The following HDAC9 variants were observed in gnomAD, a reference collection of about 807,000 sequenced individuals.
HDAC9 encodes the protein MEF-2 interacting transcription repressor (MITR) protein.
A neutral mutation model predicts 139.4 loss-of-function variants in HDAC9; 41 were observed. The ratio of observed to expected loss-of-function variants is 0.29; its 90% CI spans 0.23 to 0.38. HDAC9 has a LOEUF of 0.38. Ranked by LOEUF, HDAC9 falls within the 10% of genes least tolerant of loss-of-function variation. The probability of loss-of-function intolerance (pLI) is 1.00; values close to 1 mark genes in which losing one functional copy is unlikely to be tolerated. For missense variants in HDAC9, 1,147 were observed against 1,297.0 expected, an observed-to-expected ratio of 0.88 and a Z score of 1.78; for synonymous variants, 517 against 476.2, an observed-to-expected ratio of 1.09 and a Z score of -1.12.
At chr7:18,496,217 A>G in intron 1 of HDAC9, 45 bp from the exon 2 acceptor site, 2 of 1,593,606 alleles carry the variant, frequency 1.3e-6, no homozygotes, top group South Asian at 2.2e-5. Context: ...AGTGACTGGA[A>G]TATGCTGCAG....
intron 2 of HDAC9, among the ~76,000 whole-genome samples, chr7:18,221,713 T>A (rs1278556949): frequency 6.6e-6 from 1 of 152,130 alleles, no homozygotes. Flanking sequence ...AACAGCAATG[T>A]TAATTTTTTT....
At chr7:18,641,945 C>T (rs574894584) in intron 8 of HDAC9, among the ~76,000 whole-genome samples, 1 of 152,148 alleles carries the variant, frequency 6.6e-6, no homozygotes, top group South Asian at 2.1e-4. Context: ...GATCAAAAAG[C>T]ATAGTTGAGG....
chr7:18,116,102 G>A (rs1486671103), intron 1 of HDAC9, among the ~76,000 whole-genome samples: 1 of 152,156 alleles, frequency 6.6e-6, no homozygotes, highest in Admixed American at 6.5e-5. Context: ...TAATTTTCCT[G>A]TGTTAGATCA....
chr7:18,886,780 G>T (rs1401864007), intron 22 of HDAC9, among the ~76,000 whole-genome samples: 1 of 152,124 alleles, frequency 6.6e-6, no homozygotes, highest in Non-Finnish European at 1.5e-5. Flanking sequence ...AAAAAATATT[G>T]CCAGGGACAA....
In HDAC9 at chr7:18,924,528, T is replaced by G. The variant is rs78153709; in HGVS notation, c.2804-11281T>G. Among the ~76,000 whole-genome samples, 1,483 of 152,218 alleles carry G rather than the reference T, an allele frequency of 9.7e-3. 31 individuals carry two copies. Among genetic ancestry groups the G allele is most frequent in the African/African-American group, 0.034 (1,407 of 41,552 alleles). ...ATTTTGGTCTTGAAATTAAAAACCC[T>G]GGTCATTTGGGAAATGCAATTCCAA... On this transcript the variant is annotated intron_variant, in intron 22 of 25. Transcript: ENST00000686413.
rs924283607 is a variant in HDAC9, at chr7:18,835,605, G to A, written c.2586+19G>A. On this transcript the variant is annotated intron_variant, in intron 20 of 25. Transcript: ENST00000686413. ...AAATGAGGTTCGGTTTATTTCTTTA[G>A]AGCCCCACTTTTATTTGTATCTTTC... 1.2e-6 allele frequency: 2 copies of A among 1,613,524 alleles called. No homozygotes were observed. The highest frequency in any genetic ancestry group is 1.7e-6 in the Non-Finnish European group (2 of 1,179,506).
At chr7:18,743,678 T>A (rs1002385907) in intron 13 of HDAC9, among the ~76,000 whole-genome samples, 4 of 150,388 alleles carry the variant, frequency 2.7e-5, no homozygotes, top group Admixed American at 2.0e-4. Flanking sequence ...TGAGAACCTG[T>A]CTCTAAAAAC....
chr7:18,590,187 TTAG>T (rs1830547369), intron 3 of HDAC9, 146 bp from the exon 4 acceptor site: 3 of 848,032 alleles, frequency 3.5e-6, no homozygotes, highest in Non-Finnish European at 5.4e-6. Flanking sequence ...TTGCTTGTCC[TTAG>T]ATTTCAATGA....
intron 1 of HDAC9, among the ~76,000 whole-genome samples, chr7:18,448,815 C>T (rs1654801704): frequency 6.6e-6 from 1 of 151,912 alleles, no homozygotes; most frequent in Non-Finnish European, 1.5e-5. Context: ...CTGCAAGGCT[C>T]CTGAAATTCT....
At chr7:18,361,037 A>G (rs1348013219) in intron 1 of HDAC9, among the ~76,000 whole-genome samples, 1 of 152,230 alleles carries the variant, frequency 6.6e-6, no homozygotes, top group Non-Finnish European at 1.5e-5. Flanking sequence ...GCCTAGTTTC[A>G]GAATGGAATG....
chr7:18,709,973 C>T (rs1047275819), intron 12 of HDAC9, among the ~76,000 whole-genome samples: 1 of 152,176 alleles, frequency 6.6e-6, no homozygotes, highest in Non-Finnish European at 1.5e-5. Context: ...AAAAGACATA[C>T]CCGAGACTGG....
chr7:18,713,280 A>G (rs1784473666), intron 12 of HDAC9, among the ~76,000 whole-genome samples: 1 of 152,216 alleles, frequency 6.6e-6, no homozygotes, highest in African/African-American at 2.4e-5. Flanking sequence ...CCAAATTATT[A>G]AACAGTGTTG....
intron 2 of HDAC9, among the ~76,000 whole-genome samples, chr7:18,282,740 C>T (rs1031567472): frequency 6.6e-6 from 1 of 152,028 alleles, no homozygotes; most frequent in African/African-American, 2.4e-5. Context: ...TCTGGGTACT[C>T]CCTTCTCTTG....
At chr7:18,820,140 A>G (rs1296840520) in intron 17 of HDAC9, among the ~76,000 whole-genome samples, 1 of 152,170 alleles carries the variant, frequency 6.6e-6, no homozygotes, top group Non-Finnish European at 1.5e-5. Context: ...CCATTAAATG[A>G]GAAAATAAGA....
intron 1 of HDAC9, among the ~76,000 whole-genome samples, chr7:18,447,114 T>C (rs1792366865): frequency 6.6e-6 from 1 of 152,106 alleles, no homozygotes; most frequent in Admixed American, 6.6e-5. Context: ...ATAATGGAAA[T>C]ATTTATTGGC....
intron 2 of HDAC9, among the ~76,000 whole-genome samples, chr7:18,230,274 A>C (rs1257938514): frequency 6.6e-6 from 1 of 152,186 alleles, no homozygotes; most frequent in Non-Finnish European, 1.5e-5. Context: ...AAAAATGAAA[A>C]TGTGGGAATC....
intron 17 of HDAC9, chr7:18,808,098 A>G (rs1000205102): frequency 1.6e-4 from 24 of 152,162 alleles, no homozygotes; most frequent in African/African-American, 5.5e-4. Flanking sequence ...TGTACCCTTG[A>G]TCACAGAATG....
chr7:18,717,952 G>C lies in HDAC9; in HGVS notation c.1732-9628G>C, dbSNP rs145067757. Among the ~76,000 whole-genome samples, 86 of 152,144 alleles carry C rather than the reference G, an allele frequency of 5.7e-4. 1 individual carries two copies. The East Asian group carries it at 0.014, about 24-fold the overall frequency. On this transcript the variant is annotated intron_variant, in intron 12 of 25. Coordinates refer to ENST00000686413, the MANE Select transcript of HDAC9 (RefSeq NM_178425.4). ...CTTTTTTACTATGATTTTAAAAAGT[G>C]TTTTTAACAACTTTATTAATATATT...
At chr7:18,153,670 G>A (rs1232208565) in intron 1 of HDAC9, among the ~76,000 whole-genome samples, 1 of 152,142 alleles carries the variant, frequency 6.6e-6, no homozygotes, top group African/African-American at 2.4e-5. Context: ...TTTAGTTCTA[G>A]GAAGTCAGTG....
Sources: gnomAD v4.1 joint callset for allele counts (sites outside exome capture counted in the v4.1 genomes callset) on GRCh38, gnomAD v4.1.1 for gene constraint, MANE v1.5 for transcripts, NCBI Gene and HGNC (gene_info 2026-07-23, HGNC 2026-07-21) for gene names.